Variants in ATF6 observed in about 807,000 individuals in gnomAD.
ATF6 encodes the protein activating transcription factor 6.
ATF6 carries 53 observed loss-of-function variants against 83.6 expected under a neutral mutation model. That is an observed-to-expected ratio of 0.63 (90% CI 0.51 to 0.80). The LOEUF (loss-of-function observed/expected upper bound fraction) is 0.80, where lower values mean the gene tolerates loss of function less well. Among genes scored for constraint, ATF6 ranks in the 30% least tolerant of loss-of-function variants. The pLI, the probability that ATF6 is intolerant of heterozygous loss-of-function variation, is 0.00. For missense variants in ATF6, 744 were observed against 797.9 expected (o/e 0.93, Z 0.81); for synonymous variants, 288 against 285.8 (o/e 1.01, Z -0.08).
chr1:161,871,502 AAAG>A (rs923304581), intron 14 of ATF6, among the ~76,000 whole-genome samples: 2 of 151,682 alleles, frequency 1.3e-5, no homozygotes, highest in Admixed American at 1.3e-4. Context: ...AAAAGTTAAA[AAAG>A]AAGAAAGGTA....
chr1:161,949,276 G>A (rs1571258237), intron 15 of ATF6, among the ~76,000 whole-genome samples: 1 of 152,120 alleles, frequency 6.6e-6, no homozygotes, highest in South Asian at 2.1e-4. Flanking sequence ...GTGTGCCAAG[G>A]ACTGGGGATT....
intron 14 of ATF6, among the ~76,000 whole-genome samples, chr1:161,882,721 T>G (rs2101859897): frequency 6.7e-6 from 1 of 150,306 alleles, no homozygotes; most frequent in East Asian, 2.0e-4. Flanking sequence ...TTTTTTTTTT[T>G]GTAGAAAATC....
intron 5 of ATF6, among the ~76,000 whole-genome samples, chr1:161,791,771 C>T (rs558337331): frequency 2.0e-5 from 3 of 152,238 alleles, no homozygotes; most frequent in African/African-American, 7.2e-5. Context: ...GACTCAGACC[C>T]CACCATCTTC....
At chr1:161,781,611 A>G (rs1684636368) in intron 2 of ATF6, among the ~76,000 whole-genome samples, 1 of 152,234 alleles carries the variant, frequency 6.6e-6, no homozygotes, top group African/African-American at 2.4e-5. Flanking sequence ...AAGATAAAAG[A>G]CACATTTTTG....
intron 15 of ATF6, among the ~76,000 whole-genome samples, chr1:161,932,343 T>C (rs1688451727): frequency 6.6e-6 from 1 of 152,212 alleles, no homozygotes; most frequent in Admixed American, 6.5e-5. Flanking sequence ...TGGAACCGAA[T>C]CATTCACTTC....
chr1:161,769,280 C>T (rs904659508), intron 1 of ATF6, among the ~76,000 whole-genome samples: 3 of 152,174 alleles, frequency 2.0e-5, no homozygotes, highest in Admixed American at 1.3e-4. Flanking sequence ...TATAGATTTA[C>T]ACAATAATTG....
At chr1:161,872,301 T>C (rs764030058) in intron 14 of ATF6, among the ~76,000 whole-genome samples, 14 of 151,678 alleles carry the variant, frequency 9.2e-5, no homozygotes, top group Non-Finnish European at 1.9e-4. Flanking sequence ...TCTATGTTCT[T>C]GATCATTTCC....
In ATF6 at chr1:161,819,697, A is replaced by G; in HGVS notation, c.974A>G (p.Lys325Arg). 1.2e-6 allele frequency: 2 copies of G among 1,612,254 alleles called. No individual in the cohort carries two copies. Among genetic ancestry groups the G allele is most frequent in the Non-Finnish European group, 1.7e-6 (2 of 1,179,206 alleles). ...CGAGAATCCGCTTGTCAGTCTCGCA[A>G]GAAGAAGAAAGAATATATGCTAGGG... Reference protein sequence around the residue: ...KNRESACQSRKKKKEYMLGLE... With the variant: ...KNRESACQSRRKKKEYMLGLE... The change falls in exon 8 of 16, where the codon AAG (lysine) becomes AGG (arginine). Residue 325 changes from lysine to arginine, a missense_variant. Physicochemically the swap from Lys to Arg is conservative, Grantham distance 26. Coordinates refer to ENST00000367942, the MANE Select transcript of ATF6 (RefSeq NM_007348.4).
At chr1:161,827,589 G>A (rs575429871) in intron 9 of ATF6, among the ~76,000 whole-genome samples, 1 of 151,836 alleles carries the variant, frequency 6.6e-6, no homozygotes, top group Non-Finnish European at 1.5e-5. Flanking sequence ...AGTGATTAAT[G>A]TGGTTTCAGA....
intron 12 of ATF6, among the ~76,000 whole-genome samples, chr1:161,856,136 G>C (rs1292673591): frequency 1.3e-5 from 2 of 152,182 alleles, no homozygotes; most frequent in African/African-American, 2.4e-5. Context: ...ATGTTCTAAA[G>C]TACATTAAAA....
intron 7 of ATF6, among the ~76,000 whole-genome samples, chr1:161,809,574 G>A (rs1004600378): frequency 6.6e-6 from 1 of 152,174 alleles, no homozygotes; most frequent in Non-Finnish European, 1.5e-5. Context: ...TGGGATGGTT[G>A]GGTCAAATGG....
intron 15 of ATF6, among the ~76,000 whole-genome samples, chr1:161,947,838 T>TTTTG (rs1688782420): frequency 5.0e-5 from 4 of 80,504 alleles, no homozygotes; most frequent in African/African-American, 1.5e-4. Context: ...TTTTTTTTTT[T>TTTTG]TTTGAGATGG....
intron 7 of ATF6, among the ~76,000 whole-genome samples, chr1:161,811,269 A>G (rs1461695642): frequency 1.3e-5 from 2 of 152,246 alleles, no homozygotes; most frequent in Non-Finnish European, 2.9e-5. Flanking sequence ...AAAGATTACT[A>G]TTTTATAACT....
chr1:161,812,968 T>G (rs1322928314), intron 7 of ATF6, among the ~76,000 whole-genome samples: 1 of 152,174 alleles, frequency 6.6e-6, no homozygotes, highest in African/African-American at 2.4e-5. Flanking sequence ...ACTGGTCTTC[T>G]CCTAATCCAG....
intron 1 of ATF6, among the ~76,000 whole-genome samples, chr1:161,777,409 A>G (rs1042118088): frequency 3.3e-5 from 5 of 152,204 alleles, no homozygotes; most frequent in East Asian, 1.9e-4. Context: ...TCAGGTTAAT[A>G]ACAGACTGAC....
At chr1:161,909,873 A>G (rs1687954921) in intron 14 of ATF6, among the ~76,000 whole-genome samples, 1 of 152,144 alleles carries the variant, frequency 6.6e-6, no homozygotes, top group South Asian at 2.1e-4. Flanking sequence ...GGAGAATGGC[A>G]TGAACCCGGG....
intron 12 of ATF6, among the ~76,000 whole-genome samples, chr1:161,854,300 C>A (rs977159034): frequency 6.6e-6 from 1 of 152,180 alleles, no homozygotes; most frequent in African/African-American, 2.4e-5. Context: ...GTAAGGGATC[C>A]AGGTTCCTTC....
At chr1:161,794,948 G>T (rs1168910135) in intron 6 of ATF6, among the ~76,000 whole-genome samples, 1 of 151,966 alleles carries the variant, frequency 6.6e-6, no homozygotes, top group Non-Finnish European at 1.5e-5. Context: ...AGAGAGGAAG[G>T]TGTCTAGGAT....
chr1:161,884,000 TACTC>T (rs576672312), intron 14 of ATF6, among the ~76,000 whole-genome samples: 76 of 152,192 alleles, frequency 5.0e-4, no homozygotes, highest in African/African-American at 1.8e-3. Context: ...GTATGTATAA[TACTC>T]TATCATGCAA....
Sources: gnomAD v4.1 joint callset for allele counts (sites outside exome capture counted in the v4.1 genomes callset) on GRCh38, gnomAD v4.1.1 for gene constraint, MANE v1.5 for transcripts, NCBI Gene and HGNC (gene_info 2026-07-23, HGNC 2026-07-21) for gene names.